MIPEP: variants seen among roughly 807,000 people sequenced by gnomAD.
MIPEP encodes mitochondrial intermediate peptidase.
In MIPEP, 79 loss-of-function variants were observed where a neutral mutation model predicts 90.3. The ratio of observed to expected loss-of-function variants is 0.87; its 90% confidence interval spans 0.73 to 1.05. The LOEUF is 1.05. Among genes scored for constraint, MIPEP ranks in the 50% least tolerant of loss-of-function variants. The pLI is 0.00. For synonymous variants in MIPEP, 334 were observed against 315.8 expected, an observed-to-expected ratio of 1.06 and a Z score of -0.61; for missense variants, 940 against 905.6, an observed-to-expected ratio of 1.04 and a Z score of -0.49.
chr13:23,850,906 C>A (rs1869771565), intron 10 of MIPEP, among the ~76,000 whole-genome samples: 1 of 152,204 alleles, frequency 6.6e-6, no homozygotes. Context: ...GAGAGAGGAT[C>A]CAGGTTAGCC....
chr13:23,863,694 G>A (rs1014247638), intron 8 of MIPEP, among the ~76,000 whole-genome samples: 1 of 152,124 alleles, frequency 6.6e-6, no homozygotes, highest in Non-Finnish European at 1.5e-5. Context: ...ACCAAAGGCA[G>A]TAGAACACTT....
intron 16 of MIPEP, among the ~76,000 whole-genome samples, chr13:23,772,703 A>G (rs1383943060): frequency 2.0e-5 from 3 of 152,166 alleles, no homozygotes. Flanking sequence ...TTCTAGATCT[A>G]TAGGTTACAA....
chr13:23,832,472 C>G (rs1177381225), intron 14 of MIPEP, among the ~76,000 whole-genome samples: 1 of 152,034 alleles, frequency 6.6e-6, no homozygotes, highest in Non-Finnish European at 1.5e-5. Context: ...ATCCCACTTT[C>G]AGAGAATGAT....
At chr13:23,809,979 C>G (rs372104769) in intron 14 of MIPEP, 55 bp from the exon 15 acceptor site, 25 of 1,102,944 alleles carry the variant, frequency 2.3e-5, no homozygotes, top group Non-Finnish European at 3.3e-5. Flanking sequence ...AGTCACTGCA[C>G]TATGTATAAG....
At position 23,816,311 on chromosome 13, in the gene MIPEP, C is replaced by T. The variant is rs545366942; in HGVS notation, c.1654-6387G>A. ...TGTATGTTACACTGGCTGGTATTGT[C>T]CCAGAGTTCTTGGATGCTTGGTTTT... On this transcript the variant is annotated intron_variant, in intron 14 of 18. Transcript: ENST00000382172. 2.0e-3 allele frequency among the ~76,000 whole-genome samples: 306 copies of T among 152,210 alleles called. 1 individual carries two copies. Among genetic ancestry groups the T allele is most frequent in the African/African-American group, 7.0e-3 (292 of 41,540 alleles).
intron 10 of MIPEP, among the ~76,000 whole-genome samples, chr13:23,845,978 G>A (rs1277134926): frequency 2.0e-5 from 3 of 150,118 alleles, no homozygotes; most frequent in African/African-American, 7.4e-5. Flanking sequence ...GCAGTGGCAT[G>A]ATCTCAGCTC....
At chr13:23,822,755 T>C (rs568605526) in intron 14 of MIPEP, among the ~76,000 whole-genome samples, 2 of 152,148 alleles carry the variant, frequency 1.3e-5, no homozygotes, top group African/African-American at 4.8e-5. Context: ...CTCCTTCTTA[T>C]ATTAAGAAGG....
In MIPEP at chr13:23,837,595, G is replaced by A; in HGVS notation, c.1500C>T (p.Ala500=). 7 of 1,614,038 alleles carry A rather than the reference G, an allele frequency of 4.3e-6. No homozygotes were observed. Among genetic ancestry groups the A allele is most frequent in the Non-Finnish European group, 5.9e-6 (7 of 1,179,936 alleles). Residue 500 remains alanine, a synonymous_variant, in exon 13 of 19, where the codon GCC becomes GCT. Coordinates refer to ENST00000382172, the MANE Select transcript of MIPEP (RefSeq NM_005932.4). ...MENLFHEMGH[A]MHSMLGRTRY... ...GAGTACGTCCTAGCATTGAATGCAT[G>A]GCATGTCCCATTTCATGGAAAAGAT...
chr13:23,830,846 C>G (rs1335758265), intron 14 of MIPEP, among the ~76,000 whole-genome samples: 8 of 152,160 alleles, frequency 5.3e-5, no homozygotes, highest in Admixed American at 5.2e-4. Context: ...GTTTCTAGTT[C>G]ATCAGCATCA....
chr13:23,870,717 A>C (rs1017140090), intron 5 of MIPEP, among the ~76,000 whole-genome samples: 4 of 152,112 alleles, frequency 2.6e-5, no homozygotes, highest in Non-Finnish European at 2.9e-5. Flanking sequence ...AGGCACGAGA[A>C]TCGCTCGAAC....
At chr13:23,735,560 C>G (rs1478486740) in intron 18 of MIPEP, among the ~76,000 whole-genome samples, 2 of 150,968 alleles carry the variant, frequency 1.3e-5, no homozygotes, top group Non-Finnish European at 2.9e-5. Context: ...TCTCTCCTTC[C>G]CAGCAGACAG....
At chr13:23,865,755 T>C (rs1262779008) in intron 7 of MIPEP, among the ~76,000 whole-genome samples, 1 of 151,658 alleles carries the variant, frequency 6.6e-6, no homozygotes, top group Non-Finnish European at 1.5e-5. Flanking sequence ...CTGCAACCTC[T>C]GCCTCCCAGG....
At position 23,886,500 on chromosome 13, in the gene MIPEP, A is replaced by C; in HGVS notation, c.196T>G (p.Phe66Val). The change falls in exon 2 of 19, where the codon TTT becomes GTT. Residue 66 changes from phenylalanine to valine, a missense_variant. By Grantham distance (50) the Phe-to-Val change is conservative. Transcript: ENST00000382172. Reference sequence around the variant, plus strand: ...GGGGCACTCAGCTCAGGAACTCCAAAAAGACCCTTAGAACCAAAGAATACG... The same window carrying C: ...GGGGCACTCAGCTCAGGAACTCCAACAAGACCCTTAGAACCAAAGAATACG... ...LDLFGERRGLFGVPELSAPEG... is the reference protein window; with the variant it reads ...LDLFGERRGLVGVPELSAPEG... 1 of 1,584,778 alleles carries C rather than the reference A, an allele frequency of 6.3e-7. No homozygotes were observed. Among genetic ancestry groups the C allele is most frequent in the Non-Finnish European group, 8.6e-7 (1 of 1,166,016 alleles).
intron 16 of MIPEP, among the ~76,000 whole-genome samples, chr13:23,790,872 CCTT>C (rs1374224265): frequency 2.0e-5 from 3 of 152,200 alleles, no homozygotes; most frequent in African/African-American, 7.2e-5. Flanking sequence ...GACTCCTTGA[CCTT>C]CTCTTCTTTA....
chr13:23,811,533 C>T (rs1232269918), intron 14 of MIPEP, among the ~76,000 whole-genome samples: 3 of 152,250 alleles, frequency 2.0e-5, no homozygotes, highest in Non-Finnish European at 2.9e-5. Flanking sequence ...CTGGACTTTG[C>T]TAAACAATAG....
chr13:23,751,246 G>A (rs1018658701), intron 18 of MIPEP, among the ~76,000 whole-genome samples: 4 of 152,240 alleles, frequency 2.6e-5, no homozygotes, highest in African/African-American at 7.2e-5. Context: ...TAAGCTAGAA[G>A]AGATGATATA....
Position 23,886,471 on chromosome 13 carries a change from T to A in MIPEP, c.225A>T (p.Glu75Asp), listed in dbSNP as rs1201682940. ...CTTTTTCTTGTGCAATATGAAATCC[T>A]TCTGGGGCACTCAGCTCAGGAACTC... Reference protein sequence around the residue: ...LFGVPELSAPEGFHIAQEKAL... With the variant: ...LFGVPELSAPDGFHIAQEKAL... The change falls in exon 2 of 19, where the codon GAA (glutamate) becomes GAT (aspartate). Residue 75 changes from glutamate to aspartate, a missense_variant. Glu to Asp is a conservative substitution (Grantham distance 45). Coordinates refer to ENST00000382172, the MANE Select transcript of MIPEP (RefSeq NM_005932.4). 1.2e-6 allele frequency: 2 copies of A among 1,600,818 alleles called. No homozygotes were observed. Among genetic ancestry groups the A allele is most frequent in the Admixed American group, 3.4e-5 (2 of 58,556 alleles).
At chr13:23,754,525 A>G (rs1224553562) in intron 18 of MIPEP, among the ~76,000 whole-genome samples, 2 of 152,252 alleles carry the variant, frequency 1.3e-5, no homozygotes, top group Non-Finnish European at 2.9e-5. Context: ...TGCAGAAAAT[A>G]TTAAGTTTCT....
At chr13:23,775,127 G>A (rs57814974) in intron 16 of MIPEP, among the ~76,000 whole-genome samples, 21 of 23,772 alleles carry the variant, frequency 8.8e-4, no homozygotes, top group Admixed American at 2.6e-3. Context: ...GTGTGTGTGT[G>A]TGTGTGTGTG....
Sources: gnomAD v4.1 joint callset for allele counts (sites outside exome capture counted in the v4.1 genomes callset) on GRCh38, gnomAD v4.1.1 for gene constraint, MANE v1.5 for transcripts, NCBI Gene and HGNC (gene_info 2026-07-23, HGNC 2026-07-21) for gene names.